Variants in DPP10 observed in about 807,000 individuals in gnomAD.
DPP10 encodes dipeptidyl peptidase like 10.
Under a neutral mutation model 120.9 loss-of-function variants are expected in DPP10, and 33 were observed. The ratio of observed to expected loss-of-function variants is 0.27; its 90% CI spans 0.21 to 0.37. The LOEUF (loss-of-function observed/expected upper bound fraction) is 0.37, where lower values mean the gene tolerates loss of function less well. Among genes scored for constraint, DPP10 ranks in the 10% least tolerant of loss-of-function variants. The pLI is 1.00. For synonymous variants in DPP10, 337 were observed against 326.1 expected, an observed-to-expected ratio of 1.03 and a Z score of -0.36; for missense variants, 816 against 942.8, an observed-to-expected ratio of 0.87 and a Z score of 1.76.
chr2:114,858,985 ATCTGAAGACTTACCTGTGTGTATGCAGTG>A (rs1485807171), intron 1 of DPP10, among the ~76,000 whole-genome samples: 1 of 152,120 alleles, frequency 6.6e-6, no homozygotes, highest in Admixed American at 6.6e-5. Flanking sequence ...TAGGAGTAGC[ATCTGAAGACTTACCTGTGTGTATGCAGTG>A]TCATGATAAC....
chr2:115,499,623 ATTAC>A lies in DPP10; in HGVS notation c.366+22_366+25del, dbSNP rs1323293101. On this transcript the variant is annotated intron_variant, in intron 4 of 25. Transcript: ENST00000410059. ...AACTTTTGTAAGTAATGAATAATTA[ATTAC>A]TTTATGCATTTCAGTACTGTTTAGA... 3 of 1,567,536 alleles carry A rather than the reference ATTAC, an allele frequency of 1.9e-6. No individual in the cohort carries two copies. Among genetic ancestry groups the A allele is most frequent in the Non-Finnish European group, 2.6e-6 (3 of 1,139,788 alleles).
intron 4 of DPP10, among the ~76,000 whole-genome samples, chr2:115,517,770 G>T (rs1409123069): frequency 2.6e-5 from 4 of 152,124 alleles, no homozygotes; most frequent in Non-Finnish European, 5.9e-5. Context: ...GGATAGAGTA[G>T]ATATCTGTCT....
Position 115,843,021 on chromosome 2 carries a change from G to A in DPP10, c.*676G>A, listed in dbSNP as rs1690302766. 1 of 152,546 alleles carries A rather than the reference G, an allele frequency of 6.6e-6. No homozygotes were observed. Among genetic ancestry groups the A allele is most frequent in the Non-Finnish European group, 1.5e-5 (1 of 68,022 alleles). 9.4% of individuals were successfully genotyped at this position (152,546 alleles called of 1,614,324 possible). ...ATATATACACAAGTGTGCATATACA[G>A]TTAATGAAACTATCTTTAAATGTTA... is the stretch of plus-strand genomic sequence containing the variant. On this transcript the variant is annotated 3_prime_UTR_variant, in exon 26 of 26. Coordinates refer to ENST00000410059, the MANE Select transcript of DPP10 (RefSeq NM_020868.6).
chr2:115,028,951 A>G (rs62164488), intron 1 of DPP10, among the ~76,000 whole-genome samples: 10,547 of 151,970 alleles, frequency 0.069, 537 homozygotes, highest in Non-Finnish European at 0.093. Context: ...GTGTGTGTTT[A>G]TAGTAAGGTA....
At chr2:115,449,307 C>T (rs1335367880) in intron 3 of DPP10, among the ~76,000 whole-genome samples, 1 of 151,898 alleles carries the variant, frequency 6.6e-6, no homozygotes, top group African/African-American at 2.4e-5. Context: ...GTTAATAAAA[C>T]AGTAAGATTG....
chr2:114,542,048 C>CTTTTTTTTTTTTT (rs761961981), intron 1 of DPP10, among the ~76,000 whole-genome samples: 12 of 122,194 alleles, frequency 9.8e-5, no homozygotes, highest in South Asian at 2.7e-4. Context: ...TTCTTTCTTT[C>CTTTTTTTTTTTTT]CTTTTTTTTT....
At chr2:115,575,184 CAGAGAA>C (rs2081575164) in intron 5 of DPP10, among the ~76,000 whole-genome samples, 1 of 152,120 alleles carries the variant, frequency 6.6e-6, no homozygotes, top group Admixed American at 6.5e-5. Flanking sequence ...GTACCGAGTG[CAGAGAA>C]ATAAGAGTCA....
chr2:115,352,777 G>A (rs11887318), intron 3 of DPP10, among the ~76,000 whole-genome samples: 1,574 of 152,230 alleles, frequency 0.01, 24 homozygotes, highest in African/African-American at 0.037. Flanking sequence ...CATAACTGAA[G>A]AGTTGCAAGA....
At chr2:114,740,876 C>T (rs1443052614) in intron 1 of DPP10, among the ~76,000 whole-genome samples, 1 of 151,984 alleles carries the variant, frequency 6.6e-6, no homozygotes, top group African/African-American at 2.4e-5. Context: ...ATATACTGTA[C>T]CTGAAATATA....
At chr2:115,261,041 A>T (rs2059229382) in intron 1 of DPP10, among the ~76,000 whole-genome samples, 1 of 152,208 alleles carries the variant, frequency 6.6e-6, no homozygotes, top group African/African-American at 2.4e-5. Flanking sequence ...CATTGTCTGG[A>T]AACTGCATTT....
At chr2:115,011,437 A>T (rs565533476) in intron 1 of DPP10, among the ~76,000 whole-genome samples, 1 of 152,088 alleles carries the variant, frequency 6.6e-6, no homozygotes, top group Non-Finnish European at 1.5e-5. Context: ...TTTTTGACCC[A>T]TGTATTTTTC....
intron 15 of DPP10, among the ~76,000 whole-genome samples, chr2:115,780,603 C>A (rs968983796): frequency 7.3e-5 from 11 of 151,692 alleles, no homozygotes; most frequent in Non-Finnish European, 1.6e-4. Flanking sequence ...GAAATCAGTT[C>A]TTTGTTTATA....
At chr2:115,706,382 TC>T (rs1252928428) in intron 7 of DPP10, among the ~76,000 whole-genome samples, 1 of 152,006 alleles carries the variant, frequency 6.6e-6, no homozygotes, top group Non-Finnish European at 1.5e-5. Context: ...TCTTGTTTCA[TC>T]CTGCTCATAA....
intron 5 of DPP10, among the ~76,000 whole-genome samples, chr2:115,554,931 T>A (rs2080114066): frequency 6.6e-6 from 1 of 152,140 alleles, no homozygotes; most frequent in Non-Finnish European, 1.5e-5. Context: ...TCTGCTGATG[T>A]CCTTTCCCAT....
At chr2:115,817,297 T>A (rs1687353746) in intron 21 of DPP10, among the ~76,000 whole-genome samples, 1 of 152,082 alleles carries the variant, frequency 6.6e-6, no homozygotes, top group Admixed American at 6.5e-5. Context: ...CTTGAACTAT[T>A]TTAGTTTACA....
intron 1 of DPP10, among the ~76,000 whole-genome samples, chr2:114,652,048 A>G (rs1169457006): frequency 6.6e-6 from 1 of 152,156 alleles, no homozygotes; most frequent in East Asian, 1.9e-4. Flanking sequence ...ATCCATGAAG[A>G]AAAAAGGGTC....
At chr2:115,180,898 C>T (rs1327733883) in intron 1 of DPP10, among the ~76,000 whole-genome samples, 1 of 85,804 alleles carries the variant, frequency 1.2e-5, no homozygotes, top group Non-Finnish European at 2.3e-5. Context: ...TGCTCTCTCC[C>T]TCCCTCCATG....
In DPP10 at chr2:115,253,601, G is replaced by A. The variant is rs191040339; in HGVS notation, c.61-55638G>A. Among the ~76,000 whole-genome samples, 159 of 152,228 alleles carry A rather than the reference G, an allele frequency of 1.0e-3. 2 individuals are homozygous for A. The highest frequency in any genetic ancestry group is 1.8e-3 in the Admixed American group (27 of 15,290). On this transcript the variant is annotated intron_variant, in intron 1 of 25. Transcript: ENST00000410059. The stretch of plus-strand genomic sequence containing the variant: ...AAAGAGAAACTGGCTAAAAGAAAGG[G>A]GCCCTAGGTCCCATGCGAGTTTGAA...
chr2:115,003,652 A>C (rs1701608782), intron 1 of DPP10, among the ~76,000 whole-genome samples: 1 of 152,196 alleles, frequency 6.6e-6, no homozygotes, highest in Non-Finnish European at 1.5e-5. Flanking sequence ...TACAACATGA[A>C]CAATGCAAAC....
Sources: allele counts gnomAD v4.1 joint callset (sites outside exome capture counted in the v4.1 genomes callset), GRCh38; gene constraint gnomAD v4.1.1; transcripts MANE v1.5; gene names NCBI Gene and HGNC (gene_info 2026-07-23, HGNC 2026-07-21).